GPHN: variants seen among roughly 807,000 people sequenced by gnomAD.
GPHN encodes the protein gephyrin.
A neutral mutation model predicts 95.5 loss-of-function variants in GPHN; 17 were observed. The ratio of observed to expected loss-of-function variants is 0.18; its 90% CI spans 0.12 to 0.27. The LOEUF (loss-of-function observed/expected upper bound fraction) is 0.27, where lower values mean the gene tolerates loss of function less well. Among genes scored for constraint, GPHN ranks in the 10% least tolerant of loss-of-function variants. The pLI is 1.00. For missense variants in GPHN, 660 were observed against 978.1 expected, an observed-to-expected ratio of 0.67 and a Z score of 4.34; for synonymous variants, 320 against 322.5, an observed-to-expected ratio of 0.99 and a Z score of 0.08.
intron 8 of GPHN, among the ~76,000 whole-genome samples, chr14:66,950,128 G>A (rs897713261): frequency 1.3e-5 from 2 of 151,764 alleles, no homozygotes; most frequent in African/African-American, 4.8e-5. Flanking sequence ...AAATTACATT[G>A]CATATCTAAA....
In GPHN at chr14:66,899,122, C is replaced by CTT. The variant is rs149566081; in HGVS notation, c.390-16868_390-16867dup. ...ACTATTAATTCTAGGAGGGCTTTTT[C>CTT]TTTTTTTTTTTTTTGTTTTTTGTTT... On this transcript the variant is annotated intron_variant, in intron 5 of 22. Coordinates refer to ENST00000478722, the MANE Select transcript of GPHN (RefSeq NM_020806.5). Among the ~76,000 whole-genome samples, 435 of 130,804 alleles carry CTT rather than the reference C, an allele frequency of 3.3e-3. 6 individuals are homozygous for CTT. Among genetic ancestry groups the CTT allele is most frequent in the African/African-American group, 0.011 (407 of 37,562 alleles). 85.8% of individuals were successfully genotyped at this position (130,804 alleles called of 152,430 possible).
chr14:66,777,920 G>A (rs1289632165), intron 3 of GPHN, among the ~76,000 whole-genome samples: 4 of 151,948 alleles, frequency 2.6e-5, no homozygotes, highest in Non-Finnish European at 5.9e-5. Flanking sequence ...GCACAAGACA[G>A]GGATGCCCTC....
the GPHN span, among the ~76,000 whole-genome samples, chr14:67,512,791 C>G: frequency 3.1e-4 from 47 of 152,074 alleles, no homozygotes; most frequent in Admixed American, 7.9e-4. Context: ...AGGAAAAAGC[C>G]CACCAGGAAG....
chr14:67,389,024 A>G, the GPHN span, among the ~76,000 whole-genome samples: 1 of 151,282 alleles, frequency 6.6e-6, no homozygotes, highest in Non-Finnish European at 1.5e-5. Context: ...CACATAGGAC[A>G]TCGTTACACA....
intron 2 of GPHN, among the ~76,000 whole-genome samples, chr14:66,719,161 T>G (rs1190864076): frequency 6.6e-6 from 1 of 152,122 alleles, no homozygotes; most frequent in East Asian, 1.9e-4. Context: ...GGGCTTTAAT[T>G]TTCCTGTTCA....
the GPHN span, chr14:67,312,528 T>A: frequency 1.9e-6 from 3 of 1,567,074 alleles, no homozygotes; most frequent in Non-Finnish European, 2.6e-6. Context: ...ATCTTTTAGA[T>A]CCATGTAAAA....
intron 2 of GPHN, among the ~76,000 whole-genome samples, chr14:66,771,925 A>G (rs988602296): frequency 6.6e-6 from 1 of 152,062 alleles, no homozygotes; most frequent in Non-Finnish European, 1.5e-5. Context: ...GCTTGCAGCA[A>G]TCTAAACTTT....
the GPHN span, among the ~76,000 whole-genome samples, chr14:67,398,556 TTC>T: frequency 7.3e-6 from 1 of 136,864 alleles, no homozygotes; most frequent in African/African-American, 2.9e-5. Context: ...TAAACTACCC[TTC>T]TCTTTATTCC....
the GPHN span, chr14:67,279,581 T>G: frequency 6.7e-7 from 1 of 1,486,976 alleles, no homozygotes. Flanking sequence ...TTGCTTTAAT[T>G]TATCTGTGCC....
At chr14:67,621,819 G>A in the GPHN span, among the ~76,000 whole-genome samples, 2 of 151,852 alleles carry the variant, frequency 1.3e-5, no homozygotes, top group African/African-American at 4.8e-5. Context: ...TTTATAAGCA[G>A]GGTGCGGTGG....
At chr14:66,955,745 C>T (rs988135598) in intron 8 of GPHN, among the ~76,000 whole-genome samples, 2 of 152,108 alleles carry the variant, frequency 1.3e-5, no homozygotes, top group Non-Finnish European at 2.9e-5. Context: ...TGATGTTCCC[C>T]TTCCTGTGTC....
intron 6 of GPHN, among the ~76,000 whole-genome samples, chr14:66,916,310 GAGA>G (rs1282987628): frequency 6.6e-6 from 1 of 152,096 alleles, no homozygotes; most frequent in Admixed American, 6.6e-5. Flanking sequence ...AATCAGCCAA[GAGA>G]AGAAGTGCAT....
chr14:67,343,680 C>T, the GPHN span, among the ~76,000 whole-genome samples: 1 of 152,214 alleles, frequency 6.6e-6, no homozygotes, highest in Non-Finnish European at 1.5e-5. Context: ...GCCTGGGCAA[C>T]ACAATGAGAC....
the GPHN span, among the ~76,000 whole-genome samples, chr14:67,531,445 G>A: frequency 4.1e-4 from 63 of 152,110 alleles, no homozygotes; most frequent in Admixed American, 2.2e-3. Flanking sequence ...CTCAGAGTTG[G>A]GCAATGGTGA....
chr14:66,594,344 C>T (rs2061882725), intron 1 of GPHN, among the ~76,000 whole-genome samples: 1 of 152,088 alleles, frequency 6.6e-6, no homozygotes, highest in Non-Finnish European at 1.5e-5. Flanking sequence ...ATCACAAACA[C>T]TTCAAAATAG....
At chr14:67,557,382 G>A in the GPHN span, 4 of 1,613,762 alleles carry the variant, frequency 2.5e-6, no homozygotes, top group African/African-American at 5.3e-5. Context: ...GCAAAGATGA[G>A]CTCATCAGCC....
the GPHN span, among the ~76,000 whole-genome samples, chr14:67,305,974 G>A: frequency 6.6e-6 from 1 of 152,078 alleles, no homozygotes; most frequent in Admixed American, 6.6e-5. Context: ...TTAAAATGGA[G>A]CTTTTTCTGT....
At chr14:66,793,588 C>CAT (rs1006021171) in intron 3 of GPHN, among the ~76,000 whole-genome samples, 8 of 151,788 alleles carry the variant, frequency 5.3e-5, no homozygotes, top group Admixed American at 1.3e-4. Context: ...TGTGCATATA[C>CAT]ATATATATAT....
chr14:66,522,214 A>G (rs2058512424), intron 1 of GPHN, among the ~76,000 whole-genome samples: 1 of 152,146 alleles, frequency 6.6e-6, no homozygotes, highest in Non-Finnish European at 1.5e-5. Flanking sequence ...TAGAATAGTA[A>G]TACACACATA....
Sources: allele counts gnomAD v4.1 joint callset (sites outside exome capture counted in the v4.1 genomes callset), GRCh38; gene constraint gnomAD v4.1.1; transcripts MANE v1.5; gene names NCBI Gene and HGNC (gene_info 2026-07-23, HGNC 2026-07-21).